The following LYN variants were observed in gnomAD, a reference collection of about 807,000 sequenced individuals.
The protein encoded by LYN is tyrosine-protein kinase Lyn.
LYN carries 12 observed loss-of-function variants against 65.0 expected under a neutral mutation model. The ratio of observed to expected loss-of-function variants is 0.18; its 90% CI spans 0.12 to 0.30. The LOEUF is 0.30. Ranked by LOEUF, LYN falls within the 10% of genes least tolerant of loss-of-function variation. The probability of loss-of-function intolerance (pLI) is 1.00; values close to 1 mark genes in which losing one functional copy is unlikely to be tolerated. For missense variants in LYN, 380 were observed against 623.2 expected (o/e 0.61, Z 4.16); for synonymous variants, 222 against 221.2 (o/e 1.00, Z -0.03).
chr8:55,951,831 A>T, intron 6 of LYN, 135 bp from the exon 7 acceptor site: 1 of 659,164 alleles, frequency 1.5e-6, no homozygotes, highest in Non-Finnish European at 2.4e-6. Context: ...GACTTTTAAA[A>T]TTATGCATTT....
At chr8:56,007,283 A>G (rs2130599833) in intron 12 of LYN, among the ~76,000 whole-genome samples, 1 of 152,356 alleles carries the variant, frequency 6.6e-6, no homozygotes, top group Admixed American at 6.5e-5. Context: ...AGAAGTATAC[A>G]CAAATCTTTC....
chr8:55,895,974 A>G (rs1210516511), intron 1 of LYN, among the ~76,000 whole-genome samples: 1 of 152,190 alleles, frequency 6.6e-6, no homozygotes, highest in Non-Finnish European at 1.5e-5. Flanking sequence ...CCTGTGGGGA[A>G]GTGGAAATTT....
chr8:56,006,568 TG>T (rs1808679225), intron 12 of LYN, among the ~76,000 whole-genome samples: 1 of 152,240 alleles, frequency 6.6e-6, no homozygotes, highest in Admixed American at 6.5e-5. Context: ...CCACTCCAGA[TG>T]CCACCTTCTG....
At chr8:55,881,811 T>C (rs1804660391) in intron 1 of LYN, among the ~76,000 whole-genome samples, 1 of 152,198 alleles carries the variant, frequency 6.6e-6, no homozygotes, top group Non-Finnish European at 1.5e-5. Context: ...TATTAACCAT[T>C]ACAGTGGAAG....
At chr8:55,973,182 C>T (rs1380776504) in intron 10 of LYN, among the ~76,000 whole-genome samples, 1 of 152,202 alleles carries the variant, frequency 6.6e-6, no homozygotes, top group Non-Finnish European at 1.5e-5. Flanking sequence ...CTCCGCATTC[C>T]CCTGTCACCC....
rs184768672 is a variant in LYN at position 55,928,876 on chromosome 8, A to G, written c.-5-12979A>G. On this transcript the variant is annotated intron_variant, in intron 1 of 12. Transcript: ENST00000519728. ...CCCAAGGTCATCTAGCTTTTCTCCT[A>G]TGTTATCTCCTAGGAGTTTTATAGT... Among the ~76,000 whole-genome samples, 618 of 152,024 alleles carry G rather than the reference A, an allele frequency of 4.1e-3. 1 individual carries two copies. Among genetic ancestry groups the G allele is most frequent in the Middle Eastern group, 0.01 (3 of 292 alleles).
chr8:55,953,136 T>C (rs1489621121), intron 7 of LYN, among the ~76,000 whole-genome samples: 1 of 152,220 alleles, frequency 6.6e-6, no homozygotes, highest in Non-Finnish European at 1.5e-5. Flanking sequence ...CTTGTGGTAC[T>C]CTGGCTGTGT....
At chr8:55,992,068 G>A (rs1808265339) in intron 10 of LYN, among the ~76,000 whole-genome samples, 1 of 152,174 alleles carries the variant, frequency 6.6e-6, no homozygotes, top group African/African-American at 2.4e-5. Context: ...CTGAGACAGA[G>A]TTAGACATCA....
At chr8:55,894,828 C>G (rs906167083) in intron 1 of LYN, among the ~76,000 whole-genome samples, 4 of 151,922 alleles carry the variant, frequency 2.6e-5, no homozygotes, top group African/African-American at 9.7e-5. Flanking sequence ...AGCCACCATG[C>G]CTGGCCTGCC....
chr8:55,936,394 C>T (rs577571142), intron 1 of LYN, among the ~76,000 whole-genome samples: 2 of 152,186 alleles, frequency 1.3e-5, no homozygotes, highest in South Asian at 2.1e-4. Flanking sequence ...AATCCCAGCA[C>T]TTTGGGAGGC....
At position 55,879,861 on chromosome 8, in the gene LYN, C is replaced by A. The variant is rs1804592641; in HGVS notation, c.-248C>A. 2 of 185,968 alleles carry A rather than the reference C, an allele frequency of 1.1e-5. No individual in the cohort carries two copies. The highest frequency in any genetic ancestry group is 2.4e-5 in the African/African-American group (1 of 41,772). The allele number at this position is 185,968 out of a possible 1,614,324, so 11.5% of individuals were successfully genotyped here. On this transcript the variant is annotated 5_prime_UTR_variant, in exon 1 of 13. Transcript: ENST00000519728. ...GTTCCTCTCCCGCCGCGCCGGGCCG[C>A]GCTGCCGCTCGCTCCCCGGCCGTGG...
chr8:55,911,097 A>ATG (rs368823941), intron 1 of LYN, among the ~76,000 whole-genome samples: 11,880 of 28,858 alleles, frequency 0.41, 2,602 homozygotes, highest in Middle Eastern at 0.57. Context: ...ATATATATAT[A>ATG]TACATACACG....
intron 10 of LYN, among the ~76,000 whole-genome samples, chr8:55,992,114 T>C (rs1239679959): frequency 6.6e-6 from 1 of 152,226 alleles, no homozygotes; most frequent in Middle Eastern, 3.2e-3. Flanking sequence ...ATTAGTTCTT[T>C]GGTGTCGGCA....
chr8:55,891,512 A>T (rs1804962874), intron 1 of LYN, among the ~76,000 whole-genome samples: 1 of 152,112 alleles, frequency 6.6e-6, no homozygotes, highest in South Asian at 2.1e-4. Context: ...CAGAAAATAG[A>T]ATGGTGTCTT....
In LYN at chr8:55,919,917, T is replaced by TGG. The variant is rs147443978; in HGVS notation, c.-5-21934_-5-21933dup. On this transcript the variant is annotated intron_variant, in intron 1 of 12. Coordinates refer to ENST00000519728, the MANE Select transcript of LYN (RefSeq NM_002350.4). ...AAAGTGAAGGGTTGGGCGGGGGGAGTGGGGGTGGGAGCTTTGTCACGTGAC... is the reference window on the plus strand; with the variant it reads ...AAAGTGAAGGGTTGGGCGGGGGGAGTGGGGGGGTGGGAGCTTTGTCACGTGAC... Among the ~76,000 whole-genome samples the TGG allele has an allele frequency of 1.6e-3, 180 of 112,336 alleles. 2 individuals are homozygous for TGG. Among genetic ancestry groups the TGG allele is most frequent in the African/African-American group, 5.4e-3 (170 of 31,770 alleles). The allele number at this position is 112,336 out of a possible 152,430, so 73.7% of individuals were successfully genotyped here.
chr8:55,924,136 T>C (rs1452809892), intron 1 of LYN, among the ~76,000 whole-genome samples: 1 of 151,766 alleles, frequency 6.6e-6, no homozygotes, highest in Non-Finnish European at 1.5e-5. Context: ...GAAAGGAAGA[T>C]AGCATGATCT....
chr8:55,936,358 G>A (rs549229114), intron 1 of LYN, among the ~76,000 whole-genome samples: 52 of 152,294 alleles, frequency 3.4e-4, no homozygotes, highest in Admixed American at 3.1e-3. Context: ...GCAGCTTTTA[G>A]GCTGGGCGTG....
intron 10 of LYN, among the ~76,000 whole-genome samples, chr8:55,971,220 CT>C (rs1315435139): frequency 1.3e-5 from 2 of 152,220 alleles, no homozygotes; most frequent in Non-Finnish European, 2.9e-5. Context: ...GCAGCCCTGC[CT>C]TTTTAGCCCT....
chr8:55,894,335 G>A (rs1372627347), intron 1 of LYN, among the ~76,000 whole-genome samples: 1 of 151,776 alleles, frequency 6.6e-6, no homozygotes, highest in Non-Finnish European at 1.5e-5. Context: ...GAGTAGCTGG[G>A]ACTAGAGGTG....
Sources: allele counts gnomAD v4.1 joint callset (sites outside exome capture counted in the v4.1 genomes callset), GRCh38; gene constraint gnomAD v4.1.1; transcripts MANE v1.5; gene names NCBI Gene and HGNC (gene_info 2026-07-23, HGNC 2026-07-21).